The following DCPS variants were observed in gnomAD, a reference collection of about 807,000 sequenced individuals.
DCPS encodes m7GpppX diphosphatase.
Under a neutral mutation model 34.7 loss-of-function variants are expected in DCPS, and 27 were observed. The ratio of observed to expected loss-of-function variants is 0.78; its 90% CI spans 0.57 to 1.07. DCPS has a LOEUF of 1.07. Ranked by LOEUF, DCPS falls within the 50% of genes least tolerant of loss-of-function variation. DCPS has a pLI of 0.00. For missense variants in DCPS, 464 were observed against 436.9 expected, an observed-to-expected ratio of 1.06 and a Z score of -0.55; for synonymous variants, 185 against 185.7, an observed-to-expected ratio of 1.00 and a Z score of 0.03.
rs543583469 is a variant in DCPS, at chr11:126,344,904, C to A, written c.748-443C>A. Among the ~76,000 whole-genome samples, 19 of 152,324 alleles carry A rather than the reference C, an allele frequency of 1.2e-4. No individual in the cohort carries two copies. The highest frequency in any genetic ancestry group is 3.6e-4 in the African/African-American group (15 of 41,574). ...CCAACTTCATTGTTTCCAAGCTCCA[C>A]CCTGTGCTATGCTAAAAGAGAGAAT... On this transcript the variant is annotated intron_variant, in intron 5 of 5. Coordinates refer to ENST00000263579, the MANE Select transcript of DCPS (RefSeq NM_014026.6). This position sits in a 1 kb window ranked among gnomAD's most constrained non-coding sequence, Gnocchi z 8.1.
Position 126,328,340 on chromosome 11 carries a change from G to C in DCPS, c.377-3065G>C, listed in dbSNP as rs1786698. ...ACTGAGGCTTTCGGTGGAGACCTGA[G>C]GGAAGCCAGGCCCCTTAGGAGTGAG... On this transcript the variant is annotated intron_variant, in intron 2 of 5. Transcript: ENST00000263579. This position sits in a 1 kb window ranked among gnomAD's most constrained non-coding sequence, Gnocchi z 6.6. Among the ~76,000 whole-genome samples the C allele has an allele frequency of 0.065, 9,881 of 152,230 alleles. 426 individuals are homozygous for C. The highest frequency in any genetic ancestry group is 0.092 in the Non-Finnish European group (6,251 of 67,992).
chr11:126,322,873 G>C lies in DCPS; in HGVS notation c.377-8532G>C, dbSNP rs1164330205. On this transcript the variant is annotated intron_variant, in intron 2 of 5. Coordinates refer to ENST00000263579, the MANE Select transcript of DCPS (RefSeq NM_014026.6). The surrounding 1 kb of genome is among the most constrained non-coding windows in gnomAD (Gnocchi z 4.2). ...AGACAATGTCTCACTTTGTTGCCAGGTTGGAGTCCAGTGGTACAGTCATAG... is the reference window on the plus strand; with the variant it reads ...AGACAATGTCTCACTTTGTTGCCAGCTTGGAGTCCAGTGGTACAGTCATAG... Among the ~76,000 whole-genome samples the C allele has an allele frequency of 6.6e-6, 1 of 152,216 alleles. No individual in the cohort carries two copies. Among genetic ancestry groups the C allele is most frequent in the African/African-American group, 2.4e-5 (1 of 41,454 alleles).
At chr11:126,339,715 T>C (rs1185020947) in intron 4 of DCPS, among the ~76,000 whole-genome samples, 1 of 152,232 alleles carries the variant, frequency 6.6e-6, no homozygotes, top group Admixed American at 6.5e-5. Context: ...CTGCAGCTTC[T>C]CTCTGCCTGT....
chr11:126,312,390 G>A lies in DCPS; in HGVS notation c.376+5646G>A, dbSNP rs899178044. Among the ~76,000 whole-genome samples the A allele has an allele frequency of 1.1e-4, 16 of 151,864 alleles. No individual in the cohort carries two copies. Among genetic ancestry groups the A allele is most frequent in the Non-Finnish European group, 4.4e-5 (3 of 67,990 alleles). The stretch of plus-strand genomic sequence containing the variant: ...ATCTCTCTCTGTCACCCAGGCTGGA[G>A]TGCAGTGGTGCGATCTCGGCTCACT... On this transcript the variant is annotated intron_variant, in intron 2 of 5. Transcript: ENST00000263579. This position sits in a 1 kb window ranked among gnomAD's most constrained non-coding sequence, Gnocchi z 5.1.
Position 126,345,714 on chromosome 11 carries a change from G to A in DCPS, c.*101G>A, listed in dbSNP as rs1382797940. 11 of 1,513,120 alleles carry A rather than the reference G, an allele frequency of 7.3e-6. No individual in the cohort carries two copies. The highest frequency in any genetic ancestry group is 3.8e-5 in the Admixed American group (2 of 52,880). The allele number at this position is 1,513,120 out of a possible 1,614,324, so 93.7% of individuals were successfully genotyped here. ...ATTTTCTAAAAATGTATTTTATACC[G>A]GCTTATTCCTAGTATTGAATAAACT... On this transcript the variant is annotated 3_prime_UTR_variant, in exon 6 of 6. Coordinates refer to ENST00000263579, the MANE Select transcript of DCPS (RefSeq NM_014026.6). This position sits in a 1 kb window ranked among gnomAD's most constrained non-coding sequence, Gnocchi z 7.4.
chr11:126,317,115 C>A (rs953424992), intron 2 of DCPS, among the ~76,000 whole-genome samples: 2 of 151,904 alleles, frequency 1.3e-5, no homozygotes, highest in Admixed American at 6.6e-5. Flanking sequence ...CGTGCCACCA[C>A]GCCCAGTTAA....
At chr11:126,330,675 C>G (rs1271786852) in intron 2 of DCPS, among the ~76,000 whole-genome samples, 1 of 118,648 alleles carries the variant, frequency 8.4e-6, no homozygotes, top group Non-Finnish European at 1.6e-5. Context: ...AAGGGGACTA[C>G]TGGGCTTTAA....
Position 126,333,208 on chromosome 11 carries a change from C to A in DCPS, c.522+1658C>A, listed in dbSNP as rs1484631712. On this transcript the variant is annotated intron_variant, in intron 3 of 5. Coordinates refer to ENST00000263579, the MANE Select transcript of DCPS (RefSeq NM_014026.6). This position sits in a 1 kb window ranked among gnomAD's most constrained non-coding sequence, Gnocchi z 5.7. ...GGAGAAGAGCACAATGAAAACTCCA[C>A]TACTCTTCCAACTCCTGACTGACGG... Among the ~76,000 whole-genome samples, 1 of 152,194 alleles carries A rather than the reference C, an allele frequency of 6.6e-6. No homozygotes were observed. Among genetic ancestry groups the A allele is most frequent in the Non-Finnish European group, 1.5e-5 (1 of 68,032 alleles).
rs564967327 is a variant in DCPS at position 126,332,168 on chromosome 11, G to T, written c.522+618G>T. On this transcript the variant is annotated intron_variant, in intron 3 of 5. Coordinates refer to ENST00000263579, the MANE Select transcript of DCPS (RefSeq NM_014026.6). The surrounding 1 kb of genome is among the most constrained non-coding windows in gnomAD (Gnocchi z 5.4). ...TCAGAGGAAAAACTCTTCCCTCACC[G>T]ACTCCCCCTTGCATTCGTCCAAAAG... Among the ~76,000 whole-genome samples the T allele has an allele frequency of 6.6e-6, 1 of 152,128 alleles. No individual in the cohort carries two copies. The highest frequency in any genetic ancestry group is 1.5e-5 in the Non-Finnish European group (1 of 68,024).
At position 126,312,865 on chromosome 11, in the gene DCPS, G is replaced by A. The variant is rs1416587357; in HGVS notation, c.376+6121G>A. 6.6e-6 allele frequency among the ~76,000 whole-genome samples: 1 copy of A among 152,174 alleles called. No individual in the cohort carries two copies. The highest frequency in any genetic ancestry group is 1.9e-4 in the East Asian group (1 of 5,200). On this transcript the variant is annotated intron_variant, in intron 2 of 5. Coordinates refer to ENST00000263579, the MANE Select transcript of DCPS (RefSeq NM_014026.6). This position sits in a 1 kb window ranked among gnomAD's most constrained non-coding sequence, Gnocchi z 5.1. ...ATATATATAACATGGAAAAGTGACT[G>A]GCTCTGCCCATGGGTAGGTTTCCTT...
Position 126,313,873 on chromosome 11 carries a change from G to A in DCPS, c.376+7129G>A, listed in dbSNP as rs1332242004. On this transcript the variant is annotated intron_variant, in intron 2 of 5. Transcript: ENST00000263579. The surrounding 1 kb of genome is among the most constrained non-coding windows in gnomAD (Gnocchi z 4.9). ...ATACATACACACCTGTGTTTTATAT[G>A]TATAATGTATTTCCCAGTTGAAAGG... Among the ~76,000 whole-genome samples, 9 of 152,212 alleles carry A rather than the reference G, an allele frequency of 5.9e-5. No individual in the cohort carries two copies. The highest frequency in any genetic ancestry group is 5.9e-4 in the Admixed American group (9 of 15,270).
rs975218649 is a variant in DCPS at position 126,328,053 on chromosome 11, G to C, written c.377-3352G>C. Among the ~76,000 whole-genome samples, 1 of 152,234 alleles carries C rather than the reference G, an allele frequency of 6.6e-6. No individual in the cohort carries two copies. Among genetic ancestry groups the C allele is most frequent in the Non-Finnish European group, 1.5e-5 (1 of 68,044 alleles). On this transcript the variant is annotated intron_variant, in intron 2 of 5. Transcript: ENST00000263579. The surrounding 1 kb of genome is among the most constrained non-coding windows in gnomAD (Gnocchi z 6.6). Reference sequence around the variant, plus strand: ...GATGAAGCGAGGAGCAGCGTGGCTCGTTGGGTAGGAGGGTCAGCTCGGCCG... The same window carrying C: ...GATGAAGCGAGGAGCAGCGTGGCTCCTTGGGTAGGAGGGTCAGCTCGGCCG...
intron 1 of DCPS, among the ~76,000 whole-genome samples, chr11:126,305,252 T>C (rs1015858444): frequency 1.1e-4 from 17 of 152,026 alleles, no homozygotes; most frequent in African/African-American, 4.1e-4. Context: ...TAGCTGGGAT[T>C]ACAGGCCCCC....
At chr11:126,305,170 T>G (rs1951553757) in intron 1 of DCPS, among the ~76,000 whole-genome samples, 1 of 152,150 alleles carries the variant, frequency 6.6e-6, no homozygotes, top group African/African-American at 2.4e-5. Context: ...TAGAGTGCAG[T>G]GATGTGATCT....
intron 4 of DCPS, among the ~76,000 whole-genome samples, chr11:126,340,594 A>G (rs1265931611): frequency 6.6e-6 from 1 of 152,234 alleles, no homozygotes; most frequent in Non-Finnish European, 1.5e-5. Flanking sequence ...TGTATCCAGC[A>G]GGAAGATAGG....
At chr11:126,330,898 G>C (rs12574111) in intron 2 of DCPS, among the ~76,000 whole-genome samples, 22 of 150,972 alleles carry the variant, frequency 1.5e-4, no homozygotes, top group African/African-American at 4.6e-4. Context: ...CACCACGCCC[G>C]GTTAATTTTG....
Position 126,332,765 on chromosome 11 carries a change from T to TTTG in DCPS, c.522+1233_522+1235dup, listed in dbSNP as rs200771827. Among the ~76,000 whole-genome samples the TTTG allele has an allele frequency of 1.4e-4, 21 of 152,178 alleles. No individual in the cohort carries two copies. The highest frequency in any genetic ancestry group is 2.6e-4 in the Non-Finnish European group (18 of 67,984). ...GGTGCATCTGGCTCAAGCTGACTTG[T>TTTG]TTGTTGTTGTTGTTGTTGTTTGTTT... is the stretch of plus-strand genomic sequence containing the variant. On this transcript the variant is annotated intron_variant, in intron 3 of 5. Coordinates refer to ENST00000263579, the MANE Select transcript of DCPS (RefSeq NM_014026.6). This position sits in a 1 kb window ranked among gnomAD's most constrained non-coding sequence, Gnocchi z 5.4.
At chr11:126,326,126 A>G (rs1170003285) in intron 2 of DCPS, among the ~76,000 whole-genome samples, 2 of 152,228 alleles carry the variant, frequency 1.3e-5, no homozygotes, top group Non-Finnish European at 2.9e-5. Flanking sequence ...CAAAAAATAC[A>G]TATAAATAAA....
rs956224234 is a variant in DCPS at position 126,312,263 on chromosome 11, C to T, written c.376+5519C>T. On this transcript the variant is annotated intron_variant, in intron 2 of 5. Transcript: ENST00000263579. The surrounding 1 kb of genome is among the most constrained non-coding windows in gnomAD (Gnocchi z 5.1). Reference sequence around the variant, plus strand: ...AAACTTTAAACAATGCTTACCCATCCGCTATGGCATACTCTGTAGTATTTC... The same window carrying T: ...AAACTTTAAACAATGCTTACCCATCTGCTATGGCATACTCTGTAGTATTTC... Among the ~76,000 whole-genome samples, 15 of 152,126 alleles carry T rather than the reference C, an allele frequency of 9.9e-5. No individual in the cohort carries two copies. Among genetic ancestry groups the T allele is most frequent in the African/African-American group, 3.1e-4 (13 of 41,422 alleles).
Sources: gnomAD v4.1 joint callset for allele counts (sites outside exome capture counted in the v4.1 genomes callset) on GRCh38, gnomAD v4.1.1 for gene constraint, Gnocchi (gnomAD v3.1) non-coding constraint, MANE v1.5 for transcripts, NCBI Gene and HGNC (gene_info 2026-07-23, HGNC 2026-07-21) for gene names.